Variants in FAM184B observed in about 807,000 individuals in gnomAD.
FAM184B encodes family with sequence similarity 184 member B.
A neutral mutation model predicts 135.9 loss-of-function variants in FAM184B; 111 were observed. That is an observed-to-expected ratio of 0.82 (90% CI 0.70 to 0.96). The LOEUF (loss-of-function observed/expected upper bound fraction) is 0.96, where lower values mean the gene tolerates loss of function less well. Ranked by LOEUF, FAM184B falls within the 40% of genes least tolerant of loss-of-function variation. The pLI is 0.00. For missense variants in FAM184B, 1,375 were observed against 1,323.9 expected (o/e 1.04, Z -0.60); for synonymous variants, 552 against 524.8 (o/e 1.05, Z -0.71).
intron 1 of FAM184B, among the ~76,000 whole-genome samples, chr4:17,759,145 AG>A (rs1279539230): frequency 2.6e-5 from 4 of 152,194 alleles, no homozygotes; most frequent in Admixed American, 1.3e-4. Flanking sequence ...GCCGGTTCTC[AG>A]GGGGCTGGCT....
chr4:17,653,843 A>G (rs1715699166), intron 10 of FAM184B, among the ~76,000 whole-genome samples: 1 of 75,796 alleles, frequency 1.3e-5, no homozygotes, highest in African/African-American at 5.4e-5. Context: ...GGTGGGCCTC[A>G]ATCACAAGGG....
chr4:17,695,011 G>A (rs1005817632), intron 5 of FAM184B, among the ~76,000 whole-genome samples: 8 of 152,214 alleles, frequency 5.3e-5, no homozygotes, highest in African/African-American at 1.7e-4. Flanking sequence ...GCCCTGGAAT[G>A]TTCTAAGGAC....
chr4:17,662,721 A>G (rs887863198), intron 8 of FAM184B, among the ~76,000 whole-genome samples: 2 of 152,206 alleles, frequency 1.3e-5, no homozygotes, highest in Admixed American at 1.3e-4. Context: ...ACAATCAAAT[A>G]GTTTTCTAAA....
intron 6 of FAM184B, among the ~76,000 whole-genome samples, chr4:17,691,092 C>G (rs4698648): frequency 0.6 from 90,809 of 151,960 alleles, 27,749 homozygotes; most frequent in East Asian, 0.87. Flanking sequence ...CTGAGTGACC[C>G]TTAGTCATCA....
rs1209678825 is a variant in FAM184B at position 17,652,883 on chromosome 4, T to G, written c.2138A>C (p.Gln713Pro). The G allele has an allele frequency of 6.4e-7, 1 of 1,551,770 alleles. No individual in the cohort carries two copies. The highest frequency in any genetic ancestry group is 2.4e-5 in the East Asian group (1 of 40,916). ...CCTCTCACGCTCCTCCTGCAGCTCTTGCCTGGCCTTTTCCTCCAAGGCCTG... is the reference window on the plus strand; with the variant it reads ...CCTCTCACGCTCCTCCTGCAGCTCTGGCCTGGCCTTTTCCTCCAAGGCCTG... ...ELQALEEKARQELQEERERMQ... is the reference protein window; with the variant it reads ...ELQALEEKARPELQEERERMQ... The change falls in exon 11 of 18, where the codon CAA becomes CCA. Residue 713 changes from glutamine to proline, a missense_variant. Transcript: ENST00000265018.
At chr4:17,765,236 C>G (rs1302573155) in intron 1 of FAM184B, among the ~76,000 whole-genome samples, 1 of 152,096 alleles carries the variant, frequency 6.6e-6, no homozygotes, top group East Asian at 1.9e-4. Context: ...ATCAGATTGT[C>G]TTTTTAATCA....
intron 7 of FAM184B, among the ~76,000 whole-genome samples, chr4:17,684,167 A>G (rs1189971604): frequency 2.1e-5 from 3 of 144,864 alleles, no homozygotes; most frequent in African/African-American, 7.6e-5. Flanking sequence ...AAAATATAAT[A>G]TAAAATAAAA....
rs1354951588 is a variant in FAM184B at position 17,635,925 on chromosome 4, A to G, written c.2784+603T>C. Among the ~76,000 whole-genome samples, 3 of 152,170 alleles carry G rather than the reference A, an allele frequency of 2.0e-5. No individual in the cohort carries two copies. In the East Asian group the frequency reaches 5.8e-4, roughly 29 times the overall value. On this transcript the variant is annotated intron_variant, in intron 15 of 17. Coordinates refer to ENST00000265018, the MANE Select transcript of FAM184B (RefSeq NM_015688.2). Reference sequence around the variant, plus strand: ...TTTTACAAAAAGAAGATCAACAATAAAAACACTAATTCTACTACAATTCAA... The same window carrying G: ...TTTTACAAAAAGAAGATCAACAATAGAAACACTAATTCTACTACAATTCAA...
chr4:17,777,316 G>C (rs1176080344), intron 1 of FAM184B, among the ~76,000 whole-genome samples: 1 of 152,146 alleles, frequency 6.6e-6, no homozygotes, highest in African/African-American at 2.4e-5. Context: ...TGGGGCTGTT[G>C]GTGGGAACAG....
chr4:17,695,468 A>C (rs2108959691), intron 5 of FAM184B, among the ~76,000 whole-genome samples: 1 of 152,310 alleles, frequency 6.6e-6, no homozygotes, highest in South Asian at 2.1e-4. Flanking sequence ...GCCCAGCTTC[A>C]CTACGGCTTC....
chr4:17,633,277 T>C lies in FAM184B; in HGVS notation c.3089+412A>G, dbSNP rs575812806. ...TAGAGTAAATCTTGAGGAATAATGT[T>C]AGTAATAATACTGAAACTATATTGA... On this transcript the variant is annotated intron_variant, in intron 17 of 17. Transcript: ENST00000265018. 352 of 156,906 alleles carry C rather than the reference T, an allele frequency of 2.2e-3. 4 individuals are homozygous for C. The highest frequency in any genetic ancestry group is 8.4e-4 in the Non-Finnish European group (60 of 71,270). The allele number at this position is 156,906 out of a possible 1,614,324, so 9.7% of individuals were successfully genotyped here. A position where few individuals can be genotyped will look rare whatever the true frequency, so the allele number is the denominator to read the frequency against.
At chr4:17,774,510 T>C (rs1272448050) in intron 1 of FAM184B, among the ~76,000 whole-genome samples, 1 of 152,198 alleles carries the variant, frequency 6.6e-6, no homozygotes, top group Non-Finnish European at 1.5e-5. Flanking sequence ...AACAAAAGCT[T>C]CCCAAAGGGT....
At chr4:17,641,893 C>G (rs1715328217) in intron 13 of FAM184B, among the ~76,000 whole-genome samples, 163 bp downstream of exon 13, 1 of 151,578 alleles carries the variant, frequency 6.6e-6, no homozygotes, top group South Asian at 2.1e-4. Context: ...GGAGTAACAT[C>G]TGTGAAATGC....
intron 12 of FAM184B, 133 bp from the exon 13 acceptor site, chr4:17,642,361 T>G: frequency 5.1e-6 from 7 of 1,363,250 alleles, no homozygotes; most frequent in Non-Finnish European, 6.6e-6. Flanking sequence ...GGCAGGCTCC[T>G]GAGTTCCCTG....
chr4:17,693,056 A>T (rs1339541979), intron 6 of FAM184B, among the ~76,000 whole-genome samples: 1 of 151,826 alleles, frequency 6.6e-6, no homozygotes, highest in East Asian at 1.9e-4. Context: ...GCCTTCATGA[A>T]GCCACAGAAC....
intron 11 of FAM184B, 136 bp downstream of exon 11, chr4:17,652,694 T>G: frequency 9.5e-7 from 1 of 1,050,106 alleles, no homozygotes; most frequent in Non-Finnish European, 1.3e-6. Context: ...AGCCCTGGCC[T>G]GTGAGCCTGA....
At position 17,647,624 on chromosome 4, in the gene FAM184B, C is replaced by G. The variant is rs3733578; in HGVS notation, c.2346+13G>C. The G allele has an allele frequency of 6.5e-7, 1 of 1,545,684 alleles. No individual in the cohort carries two copies. The highest frequency in any genetic ancestry group is 1.4e-5 in the African/African-American group (1 of 73,002). Reference sequence around the variant, plus strand: ...GGGAGGGGTATTGCTGGTGCAAGGGCGGGGGCACTGACCTCTGTGGCGATT... The same window carrying G: ...GGGAGGGGTATTGCTGGTGCAAGGGGGGGGGCACTGACCTCTGTGGCGATT... On this transcript the variant is annotated intron_variant, in intron 12 of 17. Coordinates refer to ENST00000265018, the MANE Select transcript of FAM184B (RefSeq NM_015688.2).
chr4:17,733,336 C>G lies in FAM184B; in HGVS notation c.142-23692G>C, dbSNP rs112834053. ...AACATAGTGTTGGAAGTTCTGGCCA[C>G]GGTAATCAGGCAGGAGACAGAAAGG... is the stretch of plus-strand genomic sequence containing the variant. On this transcript the variant is annotated intron_variant, in intron 1 of 17. Coordinates refer to ENST00000265018, the MANE Select transcript of FAM184B (RefSeq NM_015688.2). Among the ~76,000 whole-genome samples the G allele has an allele frequency of 9.2e-5, 14 of 152,156 alleles. No homozygotes were observed. In the East Asian group the frequency reaches 1.5e-3, roughly 17 times the overall value.
intron 5 of FAM184B, among the ~76,000 whole-genome samples, chr4:17,696,446 A>C (rs1466362654): frequency 2.0e-5 from 3 of 152,178 alleles, no homozygotes; most frequent in Admixed American, 2.0e-4. Context: ...ACCGGACGGG[A>C]CCAGGCAGGT....
Sources: gnomAD v4.1 joint callset for allele counts (sites outside exome capture counted in the v4.1 genomes callset) on GRCh38, gnomAD v4.1.1 for gene constraint, MANE v1.5 for transcripts, NCBI Gene and HGNC (gene_info 2026-07-23, HGNC 2026-07-21) for gene names.